The following TBCD variants were observed in gnomAD, a reference collection of about 807,000 sequenced individuals.
TBCD encodes tubulin folding cofactor D.
In TBCD, 105 loss-of-function variants were observed where a neutral mutation model predicts 169.3. The ratio of observed to expected loss-of-function variants is 0.62; its 90% CI spans 0.53 to 0.73. The LOEUF is 0.73. TBCD is among the 30% of genes least tolerant of loss of function. The pLI, the probability that TBCD is intolerant of heterozygous loss-of-function variation, is 0.00. For missense variants in TBCD, 1,444 were observed against 1,600.1 expected (o/e 0.90, Z 1.66); for synonymous variants, 700 against 643.9 (o/e 1.09, Z -1.32).
intron 6 of TBCD, among the ~76,000 whole-genome samples, chr17:82,774,698 T>C (rs2048484705): frequency 6.6e-6 from 1 of 152,224 alleles, no homozygotes; most frequent in Non-Finnish European, 1.5e-5. Context: ...CGAGTGTGTC[T>C]ACCTGTCGTT....
In TBCD at chr17:82,923,748, C is replaced by G. The variant is rs1371358989; in HGVS notation, c.2260+15C>G. 1 of 1,585,748 alleles carries G rather than the reference C, an allele frequency of 6.3e-7. No homozygotes were observed. Among genetic ancestry groups the G allele is most frequent in the Non-Finnish European group, 8.6e-7 (1 of 1,166,222 alleles). ...CGCAATTCAGGGTGAGTGGGGAGCC[C>G]TTTTCTTGAAGACTCCAGGGGCTTC... On this transcript the variant is annotated intron_variant, in intron 26 of 38. Coordinates refer to ENST00000355528, the MANE Select transcript of TBCD (RefSeq NM_005993.5). The surrounding 1 kb of genome is among the most constrained non-coding windows in gnomAD (Gnocchi z 4.6).
Position 82,756,148 on chromosome 17 carries a change from G to A in TBCD, c.185-17G>A, listed in dbSNP as rs1331752404. 21 of 1,595,266 alleles carry A rather than the reference G, an allele frequency of 1.3e-5. No individual in the cohort carries two copies. Among genetic ancestry groups the A allele is most frequent in the Non-Finnish European group, 1.8e-5 (21 of 1,169,718 alleles). On this transcript the variant is annotated splice_polypyrimidine_tract_variant and intron_variant, in intron 1 of 38. Coordinates refer to ENST00000355528, the MANE Select transcript of TBCD (RefSeq NM_005993.5). ...TGGCCTAGTGATAATTAATTTTCAT[G>A]TTATATTTGTTTTTAGTAATAATGG...
intron 13 of TBCD, among the ~76,000 whole-genome samples, chr17:82,861,200 C>T (rs369251618): frequency 8.9e-4 from 136 of 152,274 alleles, no homozygotes; most frequent in Middle Eastern, 6.8e-3. Flanking sequence ...GGGCAGGCCC[C>T]GGTGGTCAGG....
chr17:82,876,158 G>A (rs1365632575), intron 14 of TBCD, among the ~76,000 whole-genome samples: 1 of 152,176 alleles, frequency 6.6e-6, no homozygotes, highest in Non-Finnish European at 1.5e-5. Flanking sequence ...TGTACCTGCC[G>A]AAAATGAGGT....
intron 8 of TBCD, among the ~76,000 whole-genome samples, chr17:82,798,899 C>T (rs1234380066): frequency 1.3e-5 from 2 of 152,208 alleles, no homozygotes; most frequent in South Asian, 2.1e-4. Context: ...AGCTCTACCA[C>T]GCCCGGCTAA....
chr17:82,760,446 T>A (rs751104474), intron 2 of TBCD, among the ~76,000 whole-genome samples: 5 of 152,252 alleles, frequency 3.3e-5, no homozygotes, highest in Admixed American at 6.5e-5. Context: ...TTTAGATGAT[T>A]CCTGGAGACT....
Position 82,832,160 on chromosome 17 carries a change from C to T in TBCD, c.1318+17226C>T, listed in dbSNP as rs145679392. On this transcript the variant is annotated intron_variant, in intron 13 of 38. Transcript: ENST00000355528. The surrounding 1 kb of genome is among the most constrained non-coding windows in gnomAD (Gnocchi z 4.9). ...GCAGAGCTGTGCTGAAGCTTCGAGT[C>T]GAAGGCAGAGAGTCCATTTGCGACA... 478 of 1,614,170 alleles carry T rather than the reference C, an allele frequency of 3.0e-4. 3 individuals carry two copies. Among genetic ancestry groups the T allele is most frequent in the South Asian group, 2.0e-3 (185 of 91,080 alleles).
At chr17:82,934,587 C>G (rs1427133139) in intron 34 of TBCD, among the ~76,000 whole-genome samples, 3 of 152,038 alleles carry the variant, frequency 2.0e-5, no homozygotes, top group Non-Finnish European at 4.4e-5. Flanking sequence ...ATTCTCCTGC[C>G]TCAGCCTCCC....
intron 13 of TBCD, among the ~76,000 whole-genome samples, chr17:82,826,738 A>G (rs1786075871): frequency 6.6e-6 from 1 of 151,648 alleles, no homozygotes; most frequent in Non-Finnish European, 1.5e-5. Context: ...TTTAACCAGA[A>G]TAAGGCAAGG....
intron 4 of TBCD, among the ~76,000 whole-genome samples, chr17:82,767,248 C>T (rs933791121): frequency 2.1e-4 from 32 of 152,196 alleles, no homozygotes; most frequent in Admixed American, 1.0e-3. Context: ...AGTGCGGTGG[C>T]TTGTCTCGGC....
In TBCD at chr17:82,766,304, A is replaced by G. The variant is rs1411887514; in HGVS notation, c.371A>G (p.His124Arg). 1.9e-6 allele frequency: 3 copies of G among 1,613,350 alleles called. No homozygotes were observed. The highest frequency in any genetic ancestry group is 2.5e-6 in the Non-Finnish European group (3 of 1,179,662). ...AAAACATTTCTTCGTTTATTTCCTC[A>G]TGAAGTTGCCGATGTAGAGCCTGTT... ...GYKTFLRLFP[H>R]EVADVEPVLD... The change falls in exon 4 of 39, where the codon CAT becomes CGT. Residue 124 changes from histidine to arginine, a missense_variant. Coordinates refer to ENST00000355528, the MANE Select transcript of TBCD (RefSeq NM_005993.5).
Position 82,923,063 on chromosome 17 carries a change from C to T in TBCD, c.2179-589C>T, listed in dbSNP as rs1442116576. On this transcript the variant is annotated intron_variant, in intron 25 of 38. Coordinates refer to ENST00000355528, the MANE Select transcript of TBCD (RefSeq NM_005993.5). This position sits in a 1 kb window ranked among gnomAD's most constrained non-coding sequence, Gnocchi z 4.6. Reference sequence around the variant, plus strand: ...CTGCTGTCCGGCCCCAACTCCTGTTCCCAGTGCGCCCCCGGAGCCCTGTCT... The same window carrying T: ...CTGCTGTCCGGCCCCAACTCCTGTTTCCAGTGCGCCCCCGGAGCCCTGTCT... Among the ~76,000 whole-genome samples, 1 of 152,216 alleles carries T rather than the reference C, an allele frequency of 6.6e-6. No individual in the cohort carries two copies. Among genetic ancestry groups the T allele is most frequent in the Admixed American group, 6.5e-5 (1 of 15,282 alleles).
chr17:82,920,315 T>TGAA lies in TBCD; in HGVS notation c.2039-240_2039-239insAAG. On this transcript the variant is annotated intron_variant, in intron 23 of 38. Coordinates refer to ENST00000355528, the MANE Select transcript of TBCD (RefSeq NM_005993.5). This position sits in a 1 kb window ranked among gnomAD's most constrained non-coding sequence, Gnocchi z 4.1. ...CACGTGGGCTCACACATGGGCCTTCTGCCACGTGGCTGGGTCTGCAGCACT... is the reference window on the plus strand; with the variant it reads ...CACGTGGGCTCACACATGGGCCTTCTGAAGCCACGTGGCTGGGTCTGCAGCACT... 1 of 575,652 alleles carries TGAA rather than the reference T, an allele frequency of 1.7e-6. No individual in the cohort carries two copies. Among genetic ancestry groups the TGAA allele is most frequent in the South Asian group, 2.1e-5 (1 of 46,774 alleles). 35.7% of individuals were successfully genotyped at this position (575,652 alleles called of 1,614,324 possible).
At chr17:82,926,949 G>A in intron 28 of TBCD, 1 of 588,168 alleles carries the variant, frequency 1.7e-6, no homozygotes, top group East Asian at 3.0e-5. Context: ...GGAGGGACCA[G>A]CCGCAGGGGG....
intron 13 of TBCD, among the ~76,000 whole-genome samples, chr17:82,816,253 G>A (rs1598676506): frequency 6.6e-6 from 1 of 152,182 alleles, no homozygotes; most frequent in Non-Finnish European, 1.5e-5. Context: ...GTCCTGCTGT[G>A]TAAATGCACC....
chr17:82,816,604 G>C (rs1314006018), intron 13 of TBCD, among the ~76,000 whole-genome samples: 1 of 151,602 alleles, frequency 6.6e-6, no homozygotes, highest in African/African-American at 2.4e-5. Flanking sequence ...TGCAATCTCT[G>C]CTCACTGTAA....
At position 82,832,197 on chromosome 17, in the gene TBCD, G is replaced by A. The variant is rs769862320; in HGVS notation, c.1318+17263G>A. The A allele has an allele frequency of 3.1e-6, 5 of 1,614,154 alleles. No individual in the cohort carries two copies. The highest frequency in any genetic ancestry group is 3.4e-6 in the Non-Finnish European group (4 of 1,180,062). On this transcript the variant is annotated intron_variant, in intron 13 of 38. Coordinates refer to ENST00000355528, the MANE Select transcript of TBCD (RefSeq NM_005993.5). This position sits in a 1 kb window ranked among gnomAD's most constrained non-coding sequence, Gnocchi z 4.9. ...GTCCATTTGCGACAGACTTGGAAGA[G>A]GCTGGCTTCGCCGTGGCATCGGGCT...
Position 82,927,896 on chromosome 17 carries a change from T to G in TBCD, c.2610-9T>G, listed in dbSNP as rs767880204. The G allele has an allele frequency of 6.2e-7, 1 of 1,613,124 alleles. No homozygotes were observed. Among genetic ancestry groups the G allele is most frequent in the Non-Finnish European group, 8.5e-7 (1 of 1,179,384 alleles). On this transcript the variant is annotated splice_polypyrimidine_tract_variant and intron_variant, in intron 29 of 38. Coordinates refer to ENST00000355528, the MANE Select transcript of TBCD (RefSeq NM_005993.5). ...AGCTGGGTGTCTCTGCCTCTCCTTG[T>G]CCCATCAGGGTCCGCAAGGCCGCCA... is the stretch of plus-strand genomic sequence containing the variant.
intron 14 of TBCD, among the ~76,000 whole-genome samples, chr17:82,879,546 C>T (rs2058213117): frequency 6.6e-6 from 1 of 152,212 alleles, no homozygotes; most frequent in African/African-American, 2.4e-5. Flanking sequence ...TCTGGTGCTG[C>T]TGGTCTGGGA....
Sources: gnomAD v4.1 joint callset for allele counts (sites outside exome capture counted in the v4.1 genomes callset) on GRCh38, gnomAD v4.1.1 for gene constraint, Gnocchi (gnomAD v3.1) non-coding constraint, MANE v1.5 for transcripts, NCBI Gene and HGNC (gene_info 2026-07-23, HGNC 2026-07-21) for gene names.